The following PRKAG2 variants were observed in gnomAD, a reference collection of about 807,000 sequenced individuals.
PRKAG2 encodes 5'-AMP-activated protein kinase subunit gamma-2.
Under a neutral mutation model 69.6 loss-of-function variants are expected in PRKAG2, and 26 were observed. That is an observed-to-expected ratio of 0.37 (90% CI 0.27 to 0.52). The LOEUF (loss-of-function observed/expected upper bound fraction) is 0.52. Among genes scored for constraint, PRKAG2 ranks in the 20% least tolerant of loss-of-function variants. The pLI is 0.90. For synonymous variants in PRKAG2, 293 were observed against 285.0 expected (o/e 1.03, Z -0.28); for missense variants, 557 against 740.0 (o/e 0.75, Z 2.87).
At chr7:151,663,017 C>G (rs1468848675) in intron 4 of PRKAG2, among the ~76,000 whole-genome samples, 9 of 152,150 alleles carry the variant, frequency 5.9e-5, no homozygotes, top group Non-Finnish European at 1.3e-4. Context: ...CACCTGAGGT[C>G]AGGAGTTCAA....
At chr7:151,590,554 C>G (rs1812818720) in intron 6 of PRKAG2, among the ~76,000 whole-genome samples, 1 of 152,164 alleles carries the variant, frequency 6.6e-6, no homozygotes, top group Non-Finnish European at 1.5e-5. Context: ...CAGCTGGCTC[C>G]CCAGTGTCTG....
chr7:151,715,521 T>G (rs1412789017), intron 3 of PRKAG2, among the ~76,000 whole-genome samples: 1 of 149,166 alleles, frequency 6.7e-6, no homozygotes, highest in Non-Finnish European at 1.5e-5. Context: ...GCCCAGCTAA[T>G]TTTTTTGTAT....
At position 151,632,298 on chromosome 7, in the gene PRKAG2, G is replaced by T; in HGVS notation, c.685-160C>A. On this transcript the variant is annotated intron_variant, in intron 4 of 15. Transcript: ENST00000287878. The surrounding 1 kb of genome is among the most constrained non-coding windows in gnomAD (Gnocchi z 4.2). ...GCAGCGGGGGCCGGGGGCGGAGCGGGAGCGCTGCCCCCACCCGCCCGAGGC... is the reference window on the plus strand; with the variant it reads ...GCAGCGGGGGCCGGGGGCGGAGCGGTAGCGCTGCCCCCACCCGCCCGAGGC... 1 of 931,168 alleles carries T rather than the reference G, an allele frequency of 1.1e-6. No individual in the cohort carries two copies. The allele number at this position is 931,168 out of a possible 1,614,324, so 57.7% of individuals were successfully genotyped here.
At chr7:151,705,959 G>A (rs1211872614) in intron 3 of PRKAG2, among the ~76,000 whole-genome samples, 1 of 151,934 alleles carries the variant, frequency 6.6e-6, no homozygotes, top group Non-Finnish European at 1.5e-5. Flanking sequence ...CACTGTTGTT[G>A]AGGGTAGAAC....
At chr7:151,669,754 A>ACGCACACACACCTG (rs1263848271) in intron 4 of PRKAG2, among the ~76,000 whole-genome samples, 11 of 151,380 alleles carry the variant, frequency 7.3e-5, no homozygotes, top group African/African-American at 2.4e-4. Flanking sequence ...ACACACCTGC[A>ACGCACACACACCTG]TGCACACACA....
At chr7:151,785,343 C>T (rs1357001193) in intron 2 of PRKAG2, among the ~76,000 whole-genome samples, 1 of 152,238 alleles carries the variant, frequency 6.6e-6, no homozygotes, top group African/African-American at 2.4e-5. Context: ...GCCCGCGGGG[C>T]TGGTCCCACA....
chr7:151,585,418 C>G (rs1040560893), intron 6 of PRKAG2, among the ~76,000 whole-genome samples: 9 of 150,398 alleles, frequency 6.0e-5, no homozygotes, highest in African/African-American at 2.2e-4. Flanking sequence ...TTTTTTGGTA[C>G]CACTTGACAG....
chr7:151,570,866 C>T (rs1386438560), intron 9 of PRKAG2, among the ~76,000 whole-genome samples: 1 of 152,096 alleles, frequency 6.6e-6, no homozygotes, highest in South Asian at 2.1e-4. Flanking sequence ...CTCCCAGGTA[C>T]AAGCAATTCT....
chr7:151,695,793 G>A (rs1353080567), intron 3 of PRKAG2, among the ~76,000 whole-genome samples: 2 of 152,128 alleles, frequency 1.3e-5, no homozygotes, highest in Non-Finnish European at 2.9e-5. Flanking sequence ...AAGCTGTAAG[G>A]CTAGGCCCTG....
At chr7:151,817,141 C>T (rs1042354865) in intron 1 of PRKAG2, among the ~76,000 whole-genome samples, 6 of 152,296 alleles carry the variant, frequency 3.9e-5, no homozygotes, top group South Asian at 2.1e-4. Context: ...CACTGCACTC[C>T]GCATGCAGGT....
At chr7:151,643,715 G>A (rs904398114) in intron 4 of PRKAG2, among the ~76,000 whole-genome samples, 7 of 152,236 alleles carry the variant, frequency 4.6e-5, no homozygotes, top group Non-Finnish European at 7.3e-5. Context: ...TGCAGACACA[G>A]AGCCAAGGAA....
intron 3 of PRKAG2, among the ~76,000 whole-genome samples, chr7:151,753,593 GT>G (rs752536559): frequency 6.6e-6 from 1 of 152,030 alleles, no homozygotes; most frequent in Non-Finnish European, 1.5e-5. Context: ...TTTAATAATT[GT>G]TTTTTTAGAG....
rs66628686 is a variant in PRKAG2, at chr7:151,876,646, G to A, written c.-26C>T. 230,164 of 1,598,058 alleles carry A rather than the reference G, an allele frequency of 0.14. 18,466 individuals carry two copies. Among genetic ancestry groups the A allele is most frequent in the Admixed American group, 0.28 (16,634 of 59,920 alleles). On this transcript the variant is annotated 5_prime_UTR_variant, in exon 1 of 16. Transcript: ENST00000287878. ...AACTCTAACCAGAAGTTGATTCTGC[G>A]AAACTCCTCGGGGGTTCGGTCCCCT...
At position 151,694,976 on chromosome 7, in the gene PRKAG2, G is replaced by A. The variant is rs533987560; in HGVS notation, c.467-19339C>T. 9.8e-5 allele frequency among the ~76,000 whole-genome samples: 15 copies of A among 152,348 alleles called. No individual in the cohort carries two copies. In the South Asian group the frequency reaches 2.1e-3, roughly 21 times the overall value. On this transcript the variant is annotated intron_variant, in intron 3 of 15. Coordinates refer to ENST00000287878, the MANE Select transcript of PRKAG2 (RefSeq NM_016203.4). ...TGCCTGTCCCTTCCTTCTGGGCCAC[G>A]GTCACAGGACTTGGGTCAGCAGGCC...
At chr7:151,615,075 G>C (rs1448573656) in intron 5 of PRKAG2, among the ~76,000 whole-genome samples, 1 of 152,224 alleles carries the variant, frequency 6.6e-6, no homozygotes, top group Non-Finnish European at 1.5e-5. Context: ...TGTGGATCCA[G>C]AGGGAACCCC....
chr7:151,815,606 T>TC (rs2078617933), intron 1 of PRKAG2, among the ~76,000 whole-genome samples: 1 of 152,166 alleles, frequency 6.6e-6, no homozygotes, highest in Non-Finnish European at 1.5e-5. Context: ...ACCCCGTGCT[T>TC]CCCCACGTGG....
intron 3 of PRKAG2, among the ~76,000 whole-genome samples, chr7:151,765,689 TCA>T (rs1027775251): frequency 2.3e-4 from 35 of 152,260 alleles, no homozygotes; most frequent in African/African-American, 8.2e-4. Context: ...CCAAGTCAGG[TCA>T]CATTCTGAGG....
At position 151,676,374 on chromosome 7, in the gene PRKAG2, C is replaced by G. The variant is rs182800840; in HGVS notation, c.467-737G>C. Among the ~76,000 whole-genome samples the G allele has an allele frequency of 2.4e-3, 360 of 152,054 alleles. 3 individuals carry two copies. The highest frequency in any genetic ancestry group is 8.5e-3 in the African/African-American group (352 of 41,442). ...AGACTTCACTGCGAAGATAAATACCCAAGGAGACTTCAGGGAAAGGGTGGG... is the reference window on the plus strand; with the variant it reads ...AGACTTCACTGCGAAGATAAATACCGAAGGAGACTTCAGGGAAAGGGTGGG... On this transcript the variant is annotated intron_variant, in intron 3 of 15. Coordinates refer to ENST00000287878, the MANE Select transcript of PRKAG2 (RefSeq NM_016203.4).
intron 4 of PRKAG2, among the ~76,000 whole-genome samples, chr7:151,656,514 C>T (rs1000012750): frequency 2.0e-5 from 3 of 152,204 alleles, no homozygotes; most frequent in African/African-American, 7.2e-5. Flanking sequence ...CAAGACTGCG[C>T]CATTGCCCTC....
Sources: gnomAD v4.1 joint callset for allele counts (sites outside exome capture counted in the v4.1 genomes callset) on GRCh38, gnomAD v4.1.1 for gene constraint, Gnocchi (gnomAD v3.1) non-coding constraint, MANE v1.5 for transcripts, NCBI Gene and HGNC (gene_info 2026-07-23, HGNC 2026-07-21) for gene names.